Variants in NCBP3 observed in about 807,000 individuals in gnomAD.
NCBP3 encodes the protein nuclear cap-binding protein subunit 3.
A neutral mutation model predicts 75.7 loss-of-function variants in NCBP3; 20 were observed. That is an observed-to-expected ratio of 0.26 (90% CI 0.19 to 0.38). The LOEUF (loss-of-function observed/expected upper bound fraction) is 0.38. Among genes scored for constraint, NCBP3 ranks in the 10% least tolerant of loss-of-function variants. NCBP3 has a pLI of 1.00. For synonymous variants in NCBP3, 293 were observed against 290.5 expected (o/e 1.01, Z -0.09); for missense variants, 678 against 796.9 (o/e 0.85, Z 1.80).
intron 12 of NCBP3, 146 bp downstream of exon 12, chr17:3,814,176 A>G (rs769117280): frequency 2.9e-5 from 24 of 826,154 alleles, no homozygotes; most frequent in Middle Eastern, 3.4e-4. Context: ...GCTGATGCTG[A>G]CGATAACTAT....
At position 3,810,070 on chromosome 17, in the gene NCBP3, A is replaced by G. The variant is rs2053386020; in HGVS notation, c.*2974T>C. ...CTTTGGGTGATCAAAGTGTTTTAAA[A>G]TTGATTACGGTGCTGGTGCATAACT... On this transcript the variant is annotated 3_prime_UTR_variant, in exon 13 of 13. Transcript: ENST00000389005. 1 of 152,214 alleles carries G rather than the reference A, an allele frequency of 6.6e-6. No homozygotes were observed. Among genetic ancestry groups the G allele is most frequent in the African/African-American group, 2.4e-5 (1 of 41,458 alleles). 9.4% of individuals were successfully genotyped at this position (152,214 alleles called of 1,614,324 possible). A position where few individuals can be genotyped will look rare whatever the true frequency, so the allele number is the denominator to read the frequency against.
At position 3,813,033 on chromosome 17, in the gene NCBP3, C is replaced by A. The variant is rs201782396; in HGVS notation, c.*11G>T. 1 of 1,614,068 alleles carries A rather than the reference C, an allele frequency of 6.2e-7. No homozygotes were observed. Among genetic ancestry groups the A allele is most frequent in the African/African-American group, 1.3e-5 (1 of 75,046 alleles). ...CAGGCTTTAGGGCAGCTGCCATAGGCCCCAGGGGCATCAGGACTCTGCCTC... is the reference window on the plus strand; with the variant it reads ...CAGGCTTTAGGGCAGCTGCCATAGGACCCAGGGGCATCAGGACTCTGCCTC... On this transcript the variant is annotated 3_prime_UTR_variant, in exon 13 of 13. Coordinates refer to ENST00000389005, the MANE Select transcript of NCBP3 (RefSeq NM_001114118.3).
chr17:3,821,168 C>G (rs1012526878), intron 9 of NCBP3, 81 bp downstream of exon 9: 6 of 1,015,402 alleles, frequency 5.9e-6, no homozygotes, highest in Non-Finnish European at 6.2e-6. Flanking sequence ...AAGTTTGGAA[C>G]CTTAAAAGAT....
intron 6 of NCBP3, among the ~76,000 whole-genome samples, 193 bp downstream of exon 6, chr17:3,825,574 A>C (rs2053768624): frequency 6.6e-6 from 1 of 152,194 alleles, no homozygotes; most frequent in African/African-American, 2.4e-5. Context: ...TAGAAGCATA[A>C]GCACTATTCT....
At chr17:3,824,314 T>A (rs1237139359) in intron 7 of NCBP3, 1 of 152,006 alleles carries the variant, frequency 6.6e-6, no homozygotes, top group Non-Finnish European at 1.5e-5. Flanking sequence ...TGTGTATATG[T>A]GTATAATACA....
chr17:3,811,216 C>G lies in NCBP3; in HGVS notation c.*1828G>C, dbSNP rs1475245820. 2.0e-5 allele frequency: 3 copies of G among 152,388 alleles called. No homozygotes were observed. Among genetic ancestry groups the G allele is most frequent in the East Asian group, 1.9e-4 (1 of 5,200 alleles). The allele number at this position is 152,388 out of a possible 1,614,324, so 9.4% of individuals were successfully genotyped here. A position where few individuals can be genotyped will look rare whatever the true frequency, so the allele number is the denominator to read the frequency against. On this transcript the variant is annotated 3_prime_UTR_variant, in exon 13 of 13. Transcript: ENST00000389005. ...ACTGCTAGACGGGAAAACTGAGGCC[C>G]AGGTCCATGGAGCAGAGCCAGGGGT...
chr17:3,841,602 C>CCT (rs2054063468), intron 2 of NCBP3, among the ~76,000 whole-genome samples: 1 of 118,050 alleles, frequency 8.5e-6, no homozygotes, highest in African/African-American at 3.2e-5. Flanking sequence ...AATTCTCTCT[C>CCT]TTTTTTTTTT....
Position 3,813,256 on chromosome 17 carries a change from A to C in NCBP3, c.1651T>G (p.Ser551Ala). ...KSGNLWTRLGSAPKTKEKNTK... is the reference protein window; with the variant it reads ...KSGNLWTRLGAAPKTKEKNTK... ...TTCTTTTCTTTGGTCTTGGGTGCAG[A>C]TCCTAGGCGAGTCCATAAATTACCT... is the stretch of plus-strand genomic sequence containing the variant. The change falls in exon 13 of 13, where the codon TCT becomes GCT. Residue 551 changes from serine to alanine, a missense_variant. Ser to Ala is a moderately conservative substitution (Grantham distance 99). This residue lies in a region of NCBP3 where 365 missense variants were observed against 392.7 expected (regional missense o/e 0.93). Coordinates refer to ENST00000389005, the MANE Select transcript of NCBP3 (RefSeq NM_001114118.3). 6.2e-7 allele frequency: 1 copy of C among 1,614,070 alleles called. No homozygotes were observed. The highest frequency in any genetic ancestry group is 8.5e-7 in the Non-Finnish European group (1 of 1,180,020).
In NCBP3 at chr17:3,840,251, G is replaced by A. The variant is rs533242826; in HGVS notation, c.250-46C>T. Reference sequence around the variant, plus strand: ...GAAAGTAGTAAAATATGGAGAAGGCGAGTTAAATCACACATGCATCATGAT... The same window carrying A: ...GAAAGTAGTAAAATATGGAGAAGGCAAGTTAAATCACACATGCATCATGAT... On this transcript the variant is annotated intron_variant, in intron 2 of 12. Coordinates refer to ENST00000389005, the MANE Select transcript of NCBP3 (RefSeq NM_001114118.3). 24 of 1,480,802 alleles carry A rather than the reference G, an allele frequency of 1.6e-5. No homozygotes were observed. The East Asian group carries it at 3.2e-4, about 20-fold the overall frequency. The allele number at this position is 1,480,802 out of a possible 1,614,324, so 91.7% of individuals were successfully genotyped here.
In NCBP3 at chr17:3,832,499, CA is replaced by C. The variant is rs1392652684; in HGVS notation, c.356-3132del. On this transcript the variant is annotated intron_variant, in intron 3 of 12. Transcript: ENST00000389005. ...CAAAACAATTAGCCAGGTGTGGTGGCAGGCACCTGTAGTCCCAGCTACTCGG... is the reference window on the plus strand; with the variant it reads ...CAAAACAATTAGCCAGGTGTGGTGGCGGCACCTGTAGTCCCAGCTACTCGG... Among the ~76,000 whole-genome samples, 5 of 119,172 alleles carry C rather than the reference CA, an allele frequency of 4.2e-5. 1 individual carries two copies. Among genetic ancestry groups the C allele is most frequent in the Admixed American group, 1.7e-4 (2 of 11,830 alleles). The allele number at this position is 119,172 out of a possible 152,430, so 78.2% of individuals were successfully genotyped here. A position where few individuals can be genotyped will look rare whatever the true frequency, so the allele number is the denominator to read the frequency against.
At chr17:3,836,570 T>A (rs2053975008) in intron 3 of NCBP3, among the ~76,000 whole-genome samples, 1 of 151,590 alleles carries the variant, frequency 6.6e-6, no homozygotes, top group African/African-American at 2.4e-5. Flanking sequence ...GGAGAATCAT[T>A]TGAACCCAGG....
In NCBP3 at chr17:3,812,862, T is replaced by C. The variant is rs2053445184; in HGVS notation, c.*182A>G. On this transcript the variant is annotated 3_prime_UTR_variant, in exon 13 of 13. Coordinates refer to ENST00000389005, the MANE Select transcript of NCBP3 (RefSeq NM_001114118.3). ...AGAACTACAACTCTGCAGCGAAAGA[T>C]AGAGATGCCCTTGAAAATGTGTCAC... The C allele has an allele frequency of 4.2e-6, 6 of 1,426,956 alleles. No homozygotes were observed. The highest frequency in any genetic ancestry group is 3.0e-5 in the South Asian group (2 of 66,640). The allele number at this position is 1,426,956 out of a possible 1,614,324, so 88.4% of individuals were successfully genotyped here. A position where few individuals can be genotyped will look rare whatever the true frequency, so the allele number is the denominator to read the frequency against.
intron 11 of NCBP3, among the ~76,000 whole-genome samples, chr17:3,815,244 T>C (rs931750813): frequency 6.6e-6 from 1 of 152,222 alleles, no homozygotes; most frequent in Non-Finnish European, 1.5e-5. Flanking sequence ...AAAATAGATG[T>C]AAGATCAGGT....
At chr17:3,844,358 C>T (rs771562199) in intron 1 of NCBP3, among the ~76,000 whole-genome samples, 3 of 152,190 alleles carry the variant, frequency 2.0e-5, no homozygotes, top group Admixed American at 6.5e-5. Flanking sequence ...TCCATTAGTA[C>T]TACAGAAGTT....
At chr17:3,841,156 T>C (rs62070430) in intron 2 of NCBP3, among the ~76,000 whole-genome samples, 64,791 of 151,838 alleles carry the variant, frequency 0.43, 15,055 homozygotes, top group East Asian at 0.6. Context: ...TTTGTATTTT[T>C]AGTAGAGACG....
In NCBP3 at chr17:3,813,498, C is replaced by T. The variant is rs143919312; in HGVS notation, c.1628-219G>A. On this transcript the variant is annotated intron_variant, in intron 12 of 12. Transcript: ENST00000389005. ...TCTGGACCCAGCACGGGATTCTCAC[C>T]GTGGGGGGACAGGTCAGGTCCCTCC... Among the ~76,000 whole-genome samples the T allele has an allele frequency of 1.6e-3, 250 of 152,260 alleles. 1 individual carries two copies. Among genetic ancestry groups the T allele is most frequent in the Middle Eastern group, 0.014 (4 of 294 alleles).
chr17:3,833,148 G>A (rs979276471), intron 3 of NCBP3, among the ~76,000 whole-genome samples: 1 of 152,166 alleles, frequency 6.6e-6, no homozygotes, highest in Non-Finnish European at 1.5e-5. Flanking sequence ...AGGTACTCAG[G>A]AGGCTGAGGT....
At chr17:3,845,904 C>T in intron 1 of NCBP3, 137 bp downstream of exon 1, 1 of 1,041,480 alleles carries the variant, frequency 9.6e-7, no homozygotes, top group Middle Eastern at 3.1e-4. Flanking sequence ...CGTTCCCGTT[C>T]CCAGGACGCT....
rs1403269166 is a variant in NCBP3, at chr17:3,818,499, T to C, written c.1074A>G (p.Glu358=). The C allele has an allele frequency of 5.6e-6, 9 of 1,613,464 alleles. No homozygotes were observed. The highest frequency in any genetic ancestry group is 2.2e-5 in the East Asian group (1 of 44,902). ...CATCTGCATCCATGTCCTGGTCTTCTTCTTCCTCTTCCTCTTCCTCCTCCT... is the reference window on the plus strand; with the variant it reads ...CATCTGCATCCATGTCCTGGTCTTCCTCTTCCTCTTCCTCTTCCTCCTCCT... ...EEEEEEEEEE[E]EDQDMDADDR... The change falls in exon 10 of 13, where the codon GAA becomes GAG. Residue 358 remains glutamate, a synonymous_variant. Coordinates refer to ENST00000389005, the MANE Select transcript of NCBP3 (RefSeq NM_001114118.3). The surrounding 1 kb of genome is among the most constrained non-coding windows in gnomAD (Gnocchi z 4.7).
Sources: gnomAD v4.1 joint callset for allele counts (sites outside exome capture counted in the v4.1 genomes callset) on GRCh38, gnomAD v4.1.1 for gene constraint, gnomAD v4.1.1 regional missense constraint, Gnocchi (gnomAD v3.1) non-coding constraint, MANE v1.5 for transcripts, NCBI Gene and HGNC (gene_info 2026-07-23, HGNC 2026-07-21) for gene names.